The following SYT10 variants were observed in gnomAD, a reference collection of about 807,000 sequenced individuals.
SYT10 encodes synaptotagmin 10, also known as synaptotagmin-10.
A neutral mutation model predicts 51.1 loss-of-function variants in SYT10; 31 were observed. The ratio of observed to expected loss-of-function variants is 0.61; its 90% CI spans 0.46 to 0.82. The LOEUF (loss-of-function observed/expected upper bound fraction) is 0.82. Ranked by LOEUF, SYT10 falls within the 40% of genes least tolerant of loss-of-function variation. The pLI is 0.00. For missense variants in SYT10, 603 were observed against 634.0 expected (o/e 0.95, Z 0.53); for synonymous variants, 233 against 225.9 (o/e 1.03, Z -0.28).
intron 2 of SYT10, among the ~76,000 whole-genome samples, chr12:33,418,813 T>A (rs945470182): frequency 6.6e-5 from 10 of 152,210 alleles, no homozygotes; most frequent in African/African-American, 2.4e-4. Context: ...CTTAGTGGAC[T>A]TTCTGCTTCT....
intron 2 of SYT10, among the ~76,000 whole-genome samples, chr12:33,417,869 A>G (rs1866468381): frequency 6.6e-6 from 1 of 152,222 alleles, no homozygotes; most frequent in South Asian, 2.1e-4. Context: ...AATAATATCA[A>G]AGATATAGGA....
rs1255369920 is a variant in SYT10, at chr12:33,407,224, G to T, written c.642C>A (p.Tyr214Ter). ...CCTCAGAGTCAACTGATTTCTGTTT[G>T]TAGAGTTCTGGCTTTATCCTCCCAA... ...TSIGRIKPELYKQKSVDSEGN... is the reference protein window; with the variant it reads ...TSIGRIKPEL The change falls in exon 3 of 7, where the codon TAC becomes TAA. Residue 214 changes from tyrosine to a stop codon, truncating the protein, a stop_gained. Coordinates refer to ENST00000228567, the MANE Select transcript of SYT10 (RefSeq NM_198992.4). LOFTEE classifies it high-confidence loss of function. 1 of 1,614,094 alleles carries T rather than the reference G, an allele frequency of 6.2e-7. No homozygotes were observed. The highest frequency in any genetic ancestry group is 8.5e-7 in the Non-Finnish European group (1 of 1,180,020).
intron 2 of SYT10, among the ~76,000 whole-genome samples, chr12:33,422,365 T>C (rs561257136): frequency 6.6e-6 from 1 of 152,292 alleles, no homozygotes; most frequent in South Asian, 2.1e-4. Flanking sequence ...TATTTCCTGA[T>C]TTTTATTACA....
At chr12:33,379,580 A>G (rs1160477497) in intron 6 of SYT10, among the ~76,000 whole-genome samples, 2 of 115,326 alleles carry the variant, frequency 1.7e-5, no homozygotes, top group Non-Finnish European at 3.5e-5. Context: ...AAAAAAAAAA[A>G]GAGACTTGCA....
Position 33,385,615 on chromosome 12 carries a change from C to T in SYT10, c.1078-324G>A, listed in dbSNP as rs1411152068. Among the ~76,000 whole-genome samples the T allele has an allele frequency of 2.6e-5, 4 of 152,170 alleles. No homozygotes were observed. In the East Asian group the frequency reaches 5.8e-4, roughly 22 times the overall value. ...AATCAACAAACGGCATCATAATTCACCCAAAGGCTGAAGCCAAAAACCCAG... is the reference window on the plus strand; with the variant it reads ...AATCAACAAACGGCATCATAATTCATCCAAAGGCTGAAGCCAAAAACCCAG... On this transcript the variant is annotated intron_variant, in intron 3 of 6. Coordinates refer to ENST00000228567, the MANE Select transcript of SYT10 (RefSeq NM_198992.4).
At position 33,376,833 on chromosome 12, in the gene SYT10, T is replaced by C. The variant is rs768866116; in HGVS notation, c.1569A>G (p.Pro523=). 6 of 1,614,082 alleles carry C rather than the reference T, an allele frequency of 3.7e-6. No individual in the cohort carries two copies. The highest frequency in any genetic ancestry group is 4.2e-6 in the Non-Finnish European group (5 of 1,179,986). ...SCPSPKPPST[P] ...TCATGGTCTCATTTTGGAGGCATTATGGTGTGGAAGGTGGTTTAGGAGAAG... is the reference window on the plus strand; with the variant it reads ...TCATGGTCTCATTTTGGAGGCATTACGGTGTGGAAGGTGGTTTAGGAGAAG... The change falls in exon 7 of 7, where the codon CCA becomes CCG. Residue 523 remains proline (P), a synonymous_variant. Transcript: ENST00000228567.
chr12:33,403,469 A>T (rs2138411076), intron 3 of SYT10, among the ~76,000 whole-genome samples: 1 of 152,186 alleles, frequency 6.6e-6, no homozygotes, highest in South Asian at 2.1e-4. Context: ...TCCTGACCTC[A>T]GGTGATCCAC....
rs1207599321 is a variant in SYT10, at chr12:33,407,088, C to T, written c.778G>A (p.Ala260Thr). Reference sequence around the variant, plus strand: ...TCAGAAGTTCCTGTGAAGTCTTTAGCAGGGAGATCTAAAGCTTTGATAATT... The same window carrying T: ...TCAGAAGTTCCTGTGAAGTCTTTAGTAGGGAGATCTAAAGCTTTGATAATT... ...VKIIKALDLPAKDFTGTSDPY... is the reference protein window; with the variant it reads ...VKIIKALDLPTKDFTGTSDPY... Residue 260 changes from alanine (A) to threonine (T), a missense_variant, in exon 3 of 7, where the codon GCT (alanine) becomes ACT (threonine). By Grantham distance (58) the Ala-to-Thr change is moderately conservative. Transcript: ENST00000228567. 2 of 1,613,946 alleles carry T rather than the reference C, an allele frequency of 1.2e-6. No homozygotes were observed. The highest frequency in any genetic ancestry group is 1.3e-5 in the African/African-American group (1 of 74,972).
intron 3 of SYT10, among the ~76,000 whole-genome samples, chr12:33,402,432 T>C (rs558583574): frequency 7.2e-5 from 11 of 152,314 alleles, no homozygotes; most frequent in African/African-American, 2.2e-4. Flanking sequence ...TATTTTCATA[T>C]GGGATATAGT....
At chr12:33,403,625 C>T (rs555836152) in intron 3 of SYT10, among the ~76,000 whole-genome samples, 6 of 152,060 alleles carry the variant, frequency 3.9e-5, no homozygotes, top group Admixed American at 6.6e-5. Flanking sequence ...TGTAGGTTTC[C>T]GCAGGACTTA....
At chr12:33,399,764 A>C (rs891491114) in intron 3 of SYT10, among the ~76,000 whole-genome samples, 1 of 152,210 alleles carries the variant, frequency 6.6e-6, no homozygotes, top group Non-Finnish European at 1.5e-5. Context: ...AACTGAAGTT[A>C]AATTTAATTT....
chr12:33,418,571 A>C (rs1866474630), intron 2 of SYT10, among the ~76,000 whole-genome samples: 1 of 152,050 alleles, frequency 6.6e-6, no homozygotes, highest in Admixed American at 6.6e-5. Context: ...TTGCCTCTCT[A>C]ACTCACTCCA....
intron 2 of SYT10, among the ~76,000 whole-genome samples, chr12:33,423,008 A>G (rs1866518901): frequency 6.6e-6 from 1 of 152,184 alleles, no homozygotes; most frequent in Non-Finnish European, 1.5e-5. Flanking sequence ...TCAAGATGAC[A>G]CTTGAAGAAT....
At chr12:33,406,616 T>G (rs2138414598) in intron 3 of SYT10, among the ~76,000 whole-genome samples, 173 bp downstream of exon 3, 1 of 152,336 alleles carries the variant, frequency 6.6e-6, no homozygotes, top group Non-Finnish European at 1.5e-5. Context: ...TACTAGTATA[T>G]TCAGCATTAG....
chr12:33,391,626 T>C (rs1303130907), intron 3 of SYT10, among the ~76,000 whole-genome samples: 3 of 152,174 alleles, frequency 2.0e-5, no homozygotes, highest in Non-Finnish European at 4.4e-5. Context: ...GAGATCCATT[T>C]TTATGGCTAA....
chr12:33,408,537 A>C (rs914641882), intron 2 of SYT10, among the ~76,000 whole-genome samples: 2 of 152,184 alleles, frequency 1.3e-5, no homozygotes, highest in Non-Finnish European at 2.9e-5. Context: ...GAACTGTGCC[A>C]AACTACCCAT....
At chr12:33,428,741 C>T (rs1168355306) in intron 1 of SYT10, among the ~76,000 whole-genome samples, 1 of 152,026 alleles carries the variant, frequency 6.6e-6, no homozygotes, top group Non-Finnish European at 1.5e-5. Context: ...TCCGTCTCTA[C>T]TAAAAATACA....
intron 1 of SYT10, among the ~76,000 whole-genome samples, chr12:33,431,379 G>C (rs1311333502): frequency 6.6e-6 from 1 of 152,078 alleles, no homozygotes; most frequent in African/African-American, 2.4e-5. Context: ...GATGAATACT[G>C]GGAAGCAACT....
chr12:33,437,584 C>A (rs1177936569), intron 1 of SYT10, among the ~76,000 whole-genome samples: 8 of 152,198 alleles, frequency 5.3e-5, no homozygotes, highest in Non-Finnish European at 1.2e-4. Context: ...GGTGTGTGAT[C>A]ACAAAAGGGC....
Sources: allele counts gnomAD v4.1 joint callset (sites outside exome capture counted in the v4.1 genomes callset), GRCh38; gene constraint gnomAD v4.1.1; transcripts MANE v1.5; gene names NCBI Gene and HGNC (gene_info 2026-07-23, HGNC 2026-07-21).